The following KIRREL3 variants were observed in gnomAD, a reference collection of about 807,000 sequenced individuals.
KIRREL3 encodes the protein kirre like nephrin family adhesion molecule 3.
In KIRREL3, 36 loss-of-function variants were observed where a neutral mutation model predicts 89.7. The observed-to-expected ratio is 0.40, with a 90% CI of 0.31 to 0.53. The LOEUF (loss-of-function observed/expected upper bound fraction) is 0.53. Ranked by LOEUF, KIRREL3 falls within the 20% of genes least tolerant of loss-of-function variation. The pLI is 0.49. For missense variants in KIRREL3, 864 were observed against 1,056.6 expected, an observed-to-expected ratio of 0.82 and a Z score of 2.53; for synonymous variants, 445 against 441.4, an observed-to-expected ratio of 1.01 and a Z score of -0.10.
chr11:126,664,659 G>A lies in KIRREL3; in HGVS notation c.56-101747C>T, dbSNP rs1458482566. On this transcript the variant is annotated intron_variant, in intron 1 of 16. Transcript: ENST00000525144. The surrounding 1 kb of genome is among the most constrained non-coding windows in gnomAD (Gnocchi z 5.4). ...GTGCCCTTCCTGCATGCCAAAGCCA[G>A]TTCTCTCTTGGAGATGGCCACTGTT... Among the ~76,000 whole-genome samples, 1 of 152,220 alleles carries A rather than the reference G, an allele frequency of 6.6e-6. No individual in the cohort carries two copies. Among genetic ancestry groups the A allele is most frequent in the Non-Finnish European group, 1.5e-5 (1 of 68,032 alleles).
intron 1 of KIRREL3, among the ~76,000 whole-genome samples, chr11:126,854,356 T>C (rs1158685514): frequency 6.6e-6 from 1 of 152,166 alleles, no homozygotes; most frequent in African/African-American, 2.4e-5. Context: ...CTCCAGAAAG[T>C]CTGTACCCAT....
intron 1 of KIRREL3, among the ~76,000 whole-genome samples, chr11:126,730,231 C>T (rs372824022): frequency 1.3e-5 from 2 of 152,238 alleles, no homozygotes; most frequent in East Asian, 1.9e-4. Context: ...CCGACTAGCC[C>T]CATCCACATG....
chr11:126,752,632 C>CT lies in KIRREL3; in HGVS notation c.56-189721_56-189720insA, dbSNP rs1176459384. On this transcript the variant is annotated intron_variant, in intron 1 of 16. Transcript: ENST00000525144. The surrounding 1 kb of genome is among the most constrained non-coding windows in gnomAD (Gnocchi z 4.8). ...ATTGGCACTCTAATGACTACTATTC[C>CT]CCCCCCACCCACTGCCTCCCAAGAT... Among the ~76,000 whole-genome samples, 1 of 151,850 alleles carries CT rather than the reference C, an allele frequency of 6.6e-6. No individual in the cohort carries two copies. The highest frequency in any genetic ancestry group is 2.4e-5 in the African/African-American group (1 of 41,334).
chr11:126,581,818 A>T (rs1431631095), intron 1 of KIRREL3, among the ~76,000 whole-genome samples: 1 of 152,160 alleles, frequency 6.6e-6, no homozygotes, highest in Non-Finnish European at 1.5e-5. Flanking sequence ...GAAGCACCTC[A>T]CACACGAGAG....
In KIRREL3 at chr11:126,945,725, G is replaced by A. The variant is rs537034581; in HGVS notation, c.55+54730C>T. 3.3e-5 allele frequency among the ~76,000 whole-genome samples: 5 copies of A among 152,250 alleles called. No homozygotes were observed. The South Asian group carries it at 1.0e-3, about 32-fold the overall frequency. Reference sequence around the variant, plus strand: ...ATAATGGCGGGAAAAGAGAGGAACAGAATCCCAGGTAGGCCATCAATCATC... The same window carrying A: ...ATAATGGCGGGAAAAGAGAGGAACAAAATCCCAGGTAGGCCATCAATCATC... On this transcript the variant is annotated intron_variant, in intron 1 of 16. Transcript: ENST00000525144.
chr11:126,654,090 G>T (rs1945022271), intron 1 of KIRREL3, among the ~76,000 whole-genome samples: 1 of 152,142 alleles, frequency 6.6e-6, no homozygotes, highest in Non-Finnish European at 1.5e-5. Flanking sequence ...CTGGACACAT[G>T]AATTTCTACT....
rs895976908 is a variant in KIRREL3, at chr11:126,463,541, C to T, written c.592-234G>A. Among the ~76,000 whole-genome samples the T allele has an allele frequency of 1.2e-4, 19 of 152,212 alleles. No homozygotes were observed. The highest frequency in any genetic ancestry group is 4.3e-4 in the African/African-American group (18 of 41,454). On this transcript the variant is annotated intron_variant, in intron 5 of 16. Coordinates refer to ENST00000525144, the MANE Select transcript of KIRREL3 (RefSeq NM_032531.4). The surrounding 1 kb of genome is among the most constrained non-coding windows in gnomAD (Gnocchi z 5.9). The stretch of plus-strand genomic sequence containing the variant: ...AGGAAAAAGGAACTAGACAGTTTTC[C>T]ACCATGTGAAAATTAGCCTGGATTC...
chr11:126,889,939 C>G (rs1010907333), intron 1 of KIRREL3, among the ~76,000 whole-genome samples: 1 of 152,170 alleles, frequency 6.6e-6, no homozygotes, highest in Non-Finnish European at 1.5e-5. Context: ...AAGGAAGTGG[C>G]ACTTTTAGCC....
At chr11:126,699,883 G>C (rs1289948811) in intron 1 of KIRREL3, among the ~76,000 whole-genome samples, 1 of 152,098 alleles carries the variant, frequency 6.6e-6, no homozygotes, top group Non-Finnish European at 1.5e-5. Flanking sequence ...ATTAGTTATT[G>C]ATATTTTTTA....
chr11:126,607,789 T>G lies in KIRREL3; in HGVS notation c.56-44877A>C, dbSNP rs890844399. Among the ~76,000 whole-genome samples, 3 of 152,142 alleles carry G rather than the reference T, an allele frequency of 2.0e-5. No homozygotes were observed. The highest frequency in any genetic ancestry group is 7.2e-5 in the African/African-American group (3 of 41,444). On this transcript the variant is annotated intron_variant, in intron 1 of 16. Transcript: ENST00000525144. The surrounding 1 kb of genome is among the most constrained non-coding windows in gnomAD (Gnocchi z 6.6). ...ATGATTTGCTGAAGGGCCGAGTTGC[T>G]TAGCCCTGCAGGGTACACAGATGAA... is the stretch of plus-strand genomic sequence containing the variant.
rs555718280 is a variant in KIRREL3 at position 126,445,924 on chromosome 11, G to A, written c.1126-819C>T. 2.6e-5 allele frequency among the ~76,000 whole-genome samples: 4 copies of A among 152,256 alleles called. No individual in the cohort carries two copies. The East Asian group carries it at 7.7e-4, about 29-fold the overall frequency. The stretch of plus-strand genomic sequence containing the variant: ...AGCACTTTGGGAGGCCGAGGTGGGC[G>A]GATCACCTGAGGTTGGGAGTTTGAG... On this transcript the variant is annotated intron_variant, in intron 9 of 16. Coordinates refer to ENST00000525144, the MANE Select transcript of KIRREL3 (RefSeq NM_032531.4).
rs1009085733 is a variant in KIRREL3, at chr11:126,609,055, C to A, written c.56-46143G>T. Among the ~76,000 whole-genome samples the A allele has an allele frequency of 6.6e-6, 1 of 152,142 alleles. No individual in the cohort carries two copies. Among genetic ancestry groups the A allele is most frequent in the African/African-American group, 2.4e-5 (1 of 41,428 alleles). On this transcript the variant is annotated intron_variant, in intron 1 of 16. Coordinates refer to ENST00000525144, the MANE Select transcript of KIRREL3 (RefSeq NM_032531.4). The surrounding 1 kb of genome is among the most constrained non-coding windows in gnomAD (Gnocchi z 5.0). Reference sequence around the variant, plus strand: ...ATGCTAGGAGAATGGAAAACTAACCCGGAGACAGGGCTAAAGTTACTGCCC... The same window carrying A: ...ATGCTAGGAGAATGGAAAACTAACCAGGAGACAGGGCTAAAGTTACTGCCC...
chr11:126,763,357 A>T lies in KIRREL3; in HGVS notation c.56-200445T>A, dbSNP rs1406072972. ...TCCACATCTGTGCCAAGGGCTGGGC[A>T]GGGCAGTGCTCCTCACTTCCTCCAT... On this transcript the variant is annotated intron_variant, in intron 1 of 16. Transcript: ENST00000525144. This position sits in a 1 kb window ranked among gnomAD's most constrained non-coding sequence, Gnocchi z 4.7. 6.6e-6 allele frequency among the ~76,000 whole-genome samples: 1 copy of T among 152,218 alleles called. No individual in the cohort carries two copies. The highest frequency in any genetic ancestry group is 2.4e-5 in the African/African-American group (1 of 41,452).
intron 1 of KIRREL3, among the ~76,000 whole-genome samples, chr11:126,585,503 G>A (rs1941792462): frequency 6.6e-6 from 1 of 152,104 alleles, no homozygotes; most frequent in Non-Finnish European, 1.5e-5. Context: ...CAAAGTGTTG[G>A]AATCACAGGC....
Position 126,457,505 on chromosome 11 carries a change from GTA to G in KIRREL3, c.743-1053_743-1052del, listed in dbSNP as rs1161686658. On this transcript the variant is annotated intron_variant, in intron 6 of 16. Transcript: ENST00000525144. ...TATATGTATGTATGTATGCGTGTGT[GTA>G]TGTGTGTGTGTATGTGTGTGTAGAG... 5.9e-5 allele frequency among the ~76,000 whole-genome samples: 9 copies of G among 151,958 alleles called. 1 individual carries two copies. Among genetic ancestry groups the G allele is most frequent in the African/African-American group, 1.4e-4 (6 of 41,448 alleles).
intron 6 of KIRREL3, 45 bp from the exon 7 acceptor site, chr11:126,456,499 G>T: frequency 1.5e-6 from 2 of 1,293,024 alleles, no homozygotes; most frequent in Non-Finnish European, 2.2e-6. Flanking sequence ...AAAGAATGGG[G>T]GCAGGGAGAT....
intron 1 of KIRREL3, among the ~76,000 whole-genome samples, chr11:126,774,045 A>G (rs575147094): frequency 1.6e-4 from 24 of 152,224 alleles, no homozygotes; most frequent in African/African-American, 5.8e-4. Context: ...AGTGAACGCC[A>G]AGGGCTGAAG....
chr11:126,902,830 C>G (rs543797132), intron 1 of KIRREL3, among the ~76,000 whole-genome samples: 1 of 151,758 alleles, frequency 6.6e-6, no homozygotes, highest in South Asian at 2.1e-4. Flanking sequence ...TTTCCTCCTA[C>G]TTGTGTTTTA....
rs190658438 is a variant in KIRREL3 at position 126,696,644 on chromosome 11, C to T, written c.56-133732G>A. ...GGAATCCACAGAGGCGCCACAGTAC[C>T]GAAAGGGTGGCTCAAACCACATCGC... On this transcript the variant is annotated intron_variant, in intron 1 of 16. Transcript: ENST00000525144. The surrounding 1 kb of genome is among the most constrained non-coding windows in gnomAD (Gnocchi z 4.4). 1.5e-4 allele frequency among the ~76,000 whole-genome samples: 23 copies of T among 152,300 alleles called. No homozygotes were observed. Among genetic ancestry groups the T allele is most frequent in the Admixed American group, 3.9e-4 (6 of 15,304 alleles).
Sources: gnomAD v4.1 joint callset for allele counts (sites outside exome capture counted in the v4.1 genomes callset) on GRCh38, gnomAD v4.1.1 for gene constraint, Gnocchi (gnomAD v3.1) non-coding constraint, MANE v1.5 for transcripts, NCBI Gene and HGNC (gene_info 2026-07-23, HGNC 2026-07-21) for gene names.